The following SUCO variants were observed in gnomAD, a reference collection of about 807,000 sequenced individuals.
SUCO encodes SUN domain-containing ossification factor.
In SUCO, 57 loss-of-function variants were observed where a neutral mutation model predicts 148.1. That is an observed-to-expected ratio of 0.38 (90% confidence interval 0.31 to 0.48). The LOEUF (loss-of-function observed/expected upper bound fraction) is 0.48. SUCO is among the 20% of genes least tolerant of loss of function. The probability of loss-of-function intolerance (pLI) is 0.96; values close to 1 mark genes in which losing one functional copy is unlikely to be tolerated. For synonymous variants in SUCO, 470 were observed against 502.7 expected, an observed-to-expected ratio of 0.93 and a Z score of 0.87; for missense variants, 1,331 against 1,468.2, an observed-to-expected ratio of 0.91 and a Z score of 1.53.
At chr1:172,571,637 C>G (rs1321323856) in intron 9 of SUCO, among the ~76,000 whole-genome samples, 7 of 134,574 alleles carry the variant, frequency 5.2e-5, no homozygotes, top group African/African-American at 1.7e-4. Context: ...CTGCCGCCAT[C>G]CCATCTATGA....
chr1:172,537,978 C>T (rs1050932319), intron 1 of SUCO, among the ~76,000 whole-genome samples: 1 of 152,136 alleles, frequency 6.6e-6, no homozygotes. Context: ...AACACTTACC[C>T]AGTTATCTAG....
intron 1 of SUCO, among the ~76,000 whole-genome samples, chr1:172,545,435 A>T (rs1652783893): frequency 6.6e-6 from 1 of 152,202 alleles, no homozygotes. Context: ...TCAGAATTTA[A>T]ATAGTGAACA....
intron 1 of SUCO, among the ~76,000 whole-genome samples, chr1:172,543,645 G>A (rs1468932770): frequency 6.6e-6 from 1 of 152,046 alleles, no homozygotes; most frequent in African/African-American, 2.4e-5. Context: ...GAAAATTTAA[G>A]ACCCAATCCT....
chr1:172,548,820 T>C (rs1314237610), intron 1 of SUCO, among the ~76,000 whole-genome samples: 1 of 151,998 alleles, frequency 6.6e-6, no homozygotes, highest in Non-Finnish European at 1.5e-5. Flanking sequence ...TTGAGAAGAA[T>C]GTTTTAATTT....
rs1199728738 is a variant in SUCO at position 172,536,047 on chromosome 1, ATAT to A, written c.62+2552_62+2554del. 2.6e-5 allele frequency among the ~76,000 whole-genome samples: 4 copies of A among 152,330 alleles called. 1 individual carries two copies. The highest frequency in any genetic ancestry group is 9.6e-5 in the African/African-American group (4 of 41,566). ...CTGCAGCACAGAGCAATGATAGCTAATATTTGCTGACAGCTGTGTGTCAGACAC... is the reference window on the plus strand; with the variant it reads ...CTGCAGCACAGAGCAATGATAGCTAATTGCTGACAGCTGTGTGTCAGACAC... On this transcript the variant is annotated intron_variant, in intron 1 of 23. Coordinates refer to ENST00000263688, the MANE Select transcript of SUCO (RefSeq NM_014283.5).
At chr1:172,579,388 A>G in intron 15 of SUCO, 121 bp downstream of exon 15, 1 of 578,994 alleles carries the variant, frequency 1.7e-6, no homozygotes, top group Non-Finnish European at 3.1e-6. Context: ...TTGAAATAAA[A>G]GATACTGTCT....
intron 15 of SUCO, among the ~76,000 whole-genome samples, chr1:172,580,991 C>T (rs1158859580): frequency 0.14 from 2 of 14 alleles, no homozygotes; most frequent in East Asian, 0.5. Flanking sequence ...ATCCCAGCTA[C>T]TCCAGAGCTG....
chr1:172,575,182 A>G (rs919535274), intron 10 of SUCO, among the ~76,000 whole-genome samples: 1 of 151,992 alleles, frequency 6.6e-6, no homozygotes, highest in Non-Finnish European at 1.5e-5. Flanking sequence ...TTACATTATT[A>G]CACACATGTC....
In SUCO at chr1:172,590,889, AT is replaced by A. The variant is rs1656603987; in HGVS notation, c.2826-92del. 3.6e-6 allele frequency: 3 copies of A among 822,820 alleles called. No individual in the cohort carries two copies. In the Admixed American group the frequency reaches 7.2e-5, roughly 20 times the overall value. 51.0% of individuals were successfully genotyped at this position (822,820 alleles called of 1,614,324 possible). A position where few individuals can be genotyped will look rare whatever the true frequency, so the allele number is the denominator to read the frequency against. The stretch of plus-strand genomic sequence containing the variant: ...ATAAGAGTCACTTTCAGAAAAATAG[AT>A]TTGTCTCATATATCAAAATCAGAAG... On this transcript the variant is annotated intron_variant, in intron 18 of 23. Transcript: ENST00000263688.
intron 1 of SUCO, among the ~76,000 whole-genome samples, chr1:172,550,355 T>C (rs1438078441): frequency 6.6e-6 from 1 of 152,042 alleles, no homozygotes; most frequent in East Asian, 1.9e-4. Flanking sequence ...AGAAGATTTC[T>C]TGCCAAGTTT....
rs749394219 is a variant in SUCO, at chr1:172,589,321, A to C, written c.2220A>C (p.Glu740Asp). ...SQSLLLDITP[E>D]INPLPKIEVS... is the part of the protein sequence containing the mutation. ...CTCTTCTTTTAGATATTACCCCAGA[A>C]ATCAATCCCTTGCCTAAAATAGAAG... is the stretch of plus-strand genomic sequence containing the variant. The change falls in exon 18 of 24, where the codon GAA becomes GAC. Residue 740 changes from glutamate to aspartate, a missense_variant. By Grantham distance (45) the Glu-to-Asp change is conservative. Coordinates refer to ENST00000263688, the MANE Select transcript of SUCO (RefSeq NM_014283.5). 10 of 1,613,482 alleles carry C rather than the reference A, an allele frequency of 6.2e-6. No homozygotes were observed. Among genetic ancestry groups the C allele is most frequent in the Non-Finnish European group, 8.5e-6 (10 of 1,179,758 alleles).
At position 172,589,129 on chromosome 1, in the gene SUCO, A is replaced by G; in HGVS notation, c.2028A>G (p.Ser676=). 6.2e-7 allele frequency: 1 copy of G among 1,613,704 alleles called. No individual in the cohort carries two copies. The highest frequency in any genetic ancestry group is 8.5e-7 in the Non-Finnish European group (1 of 1,179,788). Residue 676 remains serine, a synonymous_variant, in exon 18 of 24, where the codon TCA becomes TCG. Coordinates refer to ENST00000263688, the MANE Select transcript of SUCO (RefSeq NM_014283.5). ...TTCCTGCGGAATCAGTAGATGTTTC[A>G]GTATTGCAACCTCTGAGTGGAGAAT... ...LLLPAESVDV[S]VLQPLSGELE...
At chr1:172,579,327 C>T in intron 15 of SUCO, 60 bp downstream of exon 15, 1 of 1,051,456 alleles carries the variant, frequency 9.5e-7, no homozygotes, top group Non-Finnish European at 1.5e-6. Flanking sequence ...CACACACAGA[C>T]ATTTTGTCAT....
At chr1:172,583,493 C>T (rs1474363440) in intron 15 of SUCO, among the ~76,000 whole-genome samples, 1 of 152,138 alleles carries the variant, frequency 6.6e-6, no homozygotes, top group Non-Finnish European at 1.5e-5. Context: ...GCTACTATTT[C>T]TCCCATCCTG....
chr1:172,596,395 G>C (rs1657101043), intron 19 of SUCO, among the ~76,000 whole-genome samples: 1 of 152,182 alleles, frequency 6.6e-6, no homozygotes, highest in African/African-American at 2.4e-5. Flanking sequence ...TTTCTGCTCT[G>C]GTTTCTCCCC....
chr1:172,532,859 A>G (rs973711894), upstream of SUCO: 2 of 1,528,836 alleles, frequency 1.3e-6, no homozygotes, highest in African/African-American at 2.8e-5. Flanking sequence ...TTCTGAACGC[A>G]AGCCAGCAAG....
chr1:172,609,606 A>G (rs1194515345), intron 23 of SUCO: 11 of 984,986 alleles, frequency 1.1e-5, no homozygotes, highest in Non-Finnish European at 1.3e-5. Context: ...TAAGCAATTT[A>G]AAGAGTTTTG....
chr1:172,593,486 G>C (rs559743433), intron 19 of SUCO, among the ~76,000 whole-genome samples: 12 of 152,168 alleles, frequency 7.9e-5, no homozygotes, highest in East Asian at 1.9e-4. Context: ...TAGCATGAAG[G>C]GTTGTTGAAT....
chr1:172,601,036 T>C (rs79947232), intron 20 of SUCO, among the ~76,000 whole-genome samples: 2 of 152,072 alleles, frequency 1.3e-5, no homozygotes, highest in East Asian at 3.9e-4. Flanking sequence ...CAATTTAGAG[T>C]TTGAATTTTA....
Sources: gnomAD v4.1 joint callset for allele counts (sites outside exome capture counted in the v4.1 genomes callset) on GRCh38, gnomAD v4.1.1 for gene constraint, MANE v1.5 for transcripts, NCBI Gene and HGNC (gene_info 2026-07-23, HGNC 2026-07-21) for gene names.